Variants in CALN1 observed in about 807,000 individuals in gnomAD.
CALN1 encodes the protein calneuron 1, also known as calcium-binding protein 8.
Under a neutral mutation model 30.6 loss-of-function variants are expected in CALN1, and 17 were observed. The observed-to-expected ratio is 0.56, with a 90% CI of 0.38 to 0.83. CALN1 has a LOEUF of 0.83. Ranked by LOEUF, CALN1 falls within the 40% of genes least tolerant of loss-of-function variation. The pLI is 0.00. For synonymous variants in CALN1, 156 were observed against 131.4 expected (o/e 1.19, Z -1.28); for missense variants, 291 against 354.9 (o/e 0.82, Z 1.45).
At chr7:72,259,875 C>A (rs1796154378) in intron 3 of CALN1, among the ~76,000 whole-genome samples, 1 of 152,190 alleles carries the variant, frequency 6.6e-6, no homozygotes, top group African/African-American at 2.4e-5. Flanking sequence ...TCTCTCAAAT[C>A]CATTCTGCAA....
chr7:72,370,402 T>C (rs905380753), intron 2 of CALN1, among the ~76,000 whole-genome samples: 1 of 152,108 alleles, frequency 6.6e-6, no homozygotes, highest in African/African-American at 2.4e-5. Flanking sequence ...ATAAGACATG[T>C]GATTGACTTT....
chr7:71,936,675 C>A (rs919299211), intron 5 of CALN1, among the ~76,000 whole-genome samples: 3 of 152,178 alleles, frequency 2.0e-5, no homozygotes, highest in Non-Finnish European at 4.4e-5. Context: ...GTTATCTACT[C>A]TCCTGAAAGC....
At position 71,779,605 on chromosome 7, in the gene CALN1, A is replaced by C. The variant is rs1000857600; in HGVS notation, c.*8170T>G. On this transcript the variant is annotated 3_prime_UTR_variant, in exon 7 of 7. Transcript: ENST00000395275. ...TTCGGTTAAAGAAAACATCTGGTAA[A>C]TATGGCAGTTTTCCTTTATACACTA... is the stretch of plus-strand genomic sequence containing the variant. 6.6e-6 allele frequency: 1 copy of C among 152,240 alleles called. No homozygotes were observed. Among genetic ancestry groups the C allele is most frequent in the African/African-American group, 2.4e-5 (1 of 41,468 alleles). The allele number at this position is 152,240 out of a possible 1,614,324, so 9.4% of individuals were successfully genotyped here. A position where few individuals can be genotyped will look rare whatever the true frequency, so the allele number is the denominator to read the frequency against.
At chr7:71,845,413 A>G (rs1242378062) in intron 5 of CALN1, among the ~76,000 whole-genome samples, 1 of 152,162 alleles carries the variant, frequency 6.6e-6, no homozygotes, top group African/African-American at 2.4e-5. Flanking sequence ...GTGTGTTTCA[A>G]TAACTCACCC....
chr7:71,964,669 A>C (rs1257357503), intron 5 of CALN1, among the ~76,000 whole-genome samples: 1 of 151,876 alleles, frequency 6.6e-6, no homozygotes, highest in Non-Finnish European at 1.5e-5. Context: ...TCAAAAAAAA[A>C]CCAAACCAAA....
intron 5 of CALN1, among the ~76,000 whole-genome samples, chr7:71,822,420 G>C (rs144287507): frequency 0.036 from 5,450 of 152,198 alleles, 147 homozygotes; most frequent in Non-Finnish European, 0.058. Context: ...GGCTAATTTT[G>C]TATTTTTAGT....
chr7:71,814,278 A>G (rs1189519840), intron 5 of CALN1, among the ~76,000 whole-genome samples: 1 of 152,150 alleles, frequency 6.6e-6, no homozygotes, highest in African/African-American at 2.4e-5. Context: ...GTCCACCACC[A>G]TATGTCAAGT....
chr7:72,333,723 A>C (rs1361429633), intron 2 of CALN1, among the ~76,000 whole-genome samples: 1 of 151,510 alleles, frequency 6.6e-6, no homozygotes, highest in Non-Finnish European at 1.5e-5. Flanking sequence ...ACCATCAATC[A>C]TCAAACCAGT....
chr7:72,014,687 G>A (rs1800278308), intron 5 of CALN1, among the ~76,000 whole-genome samples: 1 of 151,894 alleles, frequency 6.6e-6, no homozygotes, highest in African/African-American at 2.4e-5. Flanking sequence ...TTTGAGACAG[G>A]GTCTCGCTCT....
intron 3 of CALN1, among the ~76,000 whole-genome samples, chr7:72,167,373 C>A (rs1047918158): frequency 6.6e-6 from 1 of 152,138 alleles, no homozygotes; most frequent in South Asian, 2.1e-4. Context: ...GAGACAGCGT[C>A]TTTCTCTGTT....
chr7:72,062,970 C>G (rs1036175829), intron 4 of CALN1, among the ~76,000 whole-genome samples: 12 of 152,090 alleles, frequency 7.9e-5, no homozygotes, highest in African/African-American at 2.9e-4. Context: ...GGAAGGAACA[C>G]ATCTCAGTTT....
At chr7:71,990,141 C>T (rs1798870927) in intron 5 of CALN1, among the ~76,000 whole-genome samples, 1 of 152,126 alleles carries the variant, frequency 6.6e-6, no homozygotes, top group Non-Finnish European at 1.5e-5. Context: ...CATGAAGAAG[C>T]TGGCCGAAAC....
At chr7:71,852,875 C>T (rs1210234798) in intron 5 of CALN1, among the ~76,000 whole-genome samples, 1 of 152,064 alleles carries the variant, frequency 6.6e-6, no homozygotes, top group Non-Finnish European at 1.5e-5. Flanking sequence ...TGTGAAATAA[C>T]TAGATGTTGA....
intron 3 of CALN1, among the ~76,000 whole-genome samples, chr7:72,199,807 T>A (rs1251149997): frequency 6.6e-6 from 1 of 152,008 alleles, no homozygotes; most frequent in Non-Finnish European, 1.5e-5. Flanking sequence ...ACCACTATAC[T>A]CCAGCCTGGG....
chr7:72,044,644 C>CAA (rs2129534543), intron 4 of CALN1, among the ~76,000 whole-genome samples: 1 of 128,898 alleles, frequency 7.8e-6, no homozygotes, highest in East Asian at 2.3e-4. Context: ...CAGAGTGTTG[C>CAA]TCTGTCACCC....
intron 5 of CALN1, among the ~76,000 whole-genome samples, chr7:71,895,664 C>G (rs2051885): frequency 6.6e-6 from 1 of 151,870 alleles, no homozygotes; most frequent in African/African-American, 2.4e-5. Flanking sequence ...AGAGTTATGA[C>G]AGAATGACAA....
intron 6 of CALN1, among the ~76,000 whole-genome samples, chr7:71,808,389 TAAC>T (rs993050757): frequency 1.3e-5 from 2 of 151,472 alleles, no homozygotes; most frequent in African/African-American, 4.8e-5. Context: ...AATTATTTTA[TAAC>T]AATAAGGATT....
chr7:71,876,659 G>C (rs537675658), intron 5 of CALN1, among the ~76,000 whole-genome samples: 128 of 152,076 alleles, frequency 8.4e-4, no homozygotes, highest in African/African-American at 3.1e-3. Flanking sequence ...AATGACCCCG[G>C]GTGTCCTCCC....
chr7:72,226,659 T>C (rs921687751), intron 3 of CALN1, among the ~76,000 whole-genome samples: 1 of 152,166 alleles, frequency 6.6e-6, no homozygotes. Flanking sequence ...AGGGCTGACA[T>C]TATCCTAGGC....
Sources: allele counts gnomAD v4.1 joint callset (sites outside exome capture counted in the v4.1 genomes callset), GRCh38; gene constraint gnomAD v4.1.1; transcripts MANE v1.5; gene names NCBI Gene and HGNC (gene_info 2026-07-23, HGNC 2026-07-21).